The following ECE2 variants were observed in gnomAD, a reference collection of about 807,000 sequenced individuals.
ECE2 encodes endothelin converting enzyme 2.
ECE2 carries 81 observed loss-of-function variants against 100.6 expected under a neutral mutation model. The observed-to-expected ratio is 0.81, with a 90% CI of 0.67 to 0.97. ECE2 has a LOEUF of 0.97. Ranked by LOEUF, ECE2 falls within the 50% of genes least tolerant of loss-of-function variation. The pLI is 0.00. For synonymous variants in ECE2, 391 were observed against 391.5 expected, an observed-to-expected ratio of 1.00 and a Z score of 0.02; for missense variants, 911 against 988.1, an observed-to-expected ratio of 0.92 and a Z score of 1.05.
At position 184,291,466 on chromosome 3, in the gene ECE2, T is replaced by C. The variant is rs762827979; in HGVS notation, c.2121+27T>C. ...TATCACCCTCTCGGAAGGCCTGGGG[T>C]CTGCCCCTTTGTCCTGCTCCCTCCT... is the stretch of plus-strand genomic sequence containing the variant. On this transcript the variant is annotated intron_variant, in intron 18 of 18. Coordinates refer to ENST00000404464, the MANE Select transcript of ECE2 (RefSeq NM_001100121.2). The surrounding 1 kb of genome is among the most constrained non-coding windows in gnomAD (Gnocchi z 4.1). The C allele has an allele frequency of 1.9e-6, 3 of 1,543,894 alleles. No homozygotes were observed. The South Asian group carries it at 3.8e-5, about 20-fold the overall frequency.
Position 184,289,461 on chromosome 3 carries a change from C to A in ECE2, c.1399C>A (p.Arg467=). The change falls in exon 12 of 19, where the codon CGG becomes AGG. Residue 467 remains arginine, a synonymous_variant. Coordinates refer to ENST00000404464, the MANE Select transcript of ECE2 (RefSeq NM_001100121.2). This position sits in a 1 kb window ranked among gnomAD's most constrained non-coding sequence, Gnocchi z 4.1. ...GGCAGAGGGGATGATCAGCGAAATC[C>A]GGACCGCATTTGAGGAGGCCCTGGG... ...EIAEGMISEI[R]TAFEEALGQL... is the part of the protein sequence containing the mutation. The A allele has an allele frequency of 1.2e-6, 2 of 1,609,786 alleles. No individual in the cohort carries two copies. Among genetic ancestry groups the A allele is most frequent in the Non-Finnish European group, 1.7e-6 (2 of 1,178,298 alleles).
At chr3:184,285,618 G>A (rs1438956989) in intron 10 of ECE2, 26 bp downstream of exon 10, 6 of 1,530,130 alleles carry the variant, frequency 3.9e-6, no homozygotes, top group South Asian at 2.2e-5. Context: ...TTGCCTCCAC[G>A]TTCTGATCCA....
At chr3:184,281,426 G>T (rs1720810829) in intron 7 of ECE2, among the ~76,000 whole-genome samples, 2 of 152,200 alleles carry the variant, frequency 1.3e-5, no homozygotes, top group Non-Finnish European at 2.9e-5. Context: ...AGGCTCCAAG[G>T]TGGGAAGGCA....
In ECE2 at chr3:184,277,432, G is replaced by A; in HGVS notation, c.444G>A (p.Trp148Ter). 3 of 1,614,234 alleles carry A rather than the reference G, an allele frequency of 1.9e-6. No individual in the cohort carries two copies. Among genetic ancestry groups the A allele is most frequent in the Non-Finnish European group, 2.5e-6 (3 of 1,180,044 alleles). Residue 148 changes from tryptophan (W) to a stop codon, truncating the protein, a stop_gained, in exon 4 of 19, where the codon TGG becomes TGA. Coordinates refer to ENST00000404464, the MANE Select transcript of ECE2 (RefSeq NM_001100121.2). LOFTEE classifies it high-confidence loss of function. ...GCTGGAACACCTTCAACAGCCTCTG[G>A]GACCAAAACCAGGCCATACTGAAGC... ...RSRWNTFNSL[W>*]DQNQAILKHL...
chr3:184,278,337 G>A (rs879070275), intron 6 of ECE2, 24 bp downstream of exon 6: 1 of 1,611,770 alleles, frequency 6.2e-7, no homozygotes, highest in African/African-American at 1.3e-5. Context: ...AAAGGGTGGG[G>A]AGAGACTTAG....
rs1214357987 is a variant in ECE2, at chr3:184,285,461, T to A, written c.1149-17T>A. ...CATCCCACCTGCCCTTTTCTTATTT[T>A]CTGGTCTGGTTGTCAGCATCCTGAA... On this transcript the variant is annotated splice_polypyrimidine_tract_variant and intron_variant, in intron 9 of 18. Coordinates refer to ENST00000404464, the MANE Select transcript of ECE2 (RefSeq NM_001100121.2). 6.3e-7 allele frequency: 1 copy of A among 1,598,446 alleles called. No individual in the cohort carries two copies. Among genetic ancestry groups the A allele is most frequent in the Non-Finnish European group, 8.6e-7 (1 of 1,165,950 alleles).
intron 7 of ECE2, among the ~76,000 whole-genome samples, chr3:184,282,831 G>T (rs4912532): frequency 0.52 from 78,986 of 152,020 alleles, 20,816 homozygotes; most frequent in Middle Eastern, 0.61. Context: ...GGGAGGAAAA[G>T]ATACACTGTA....
intron 9 of ECE2, among the ~76,000 whole-genome samples, 163 bp downstream of exon 9, chr3:184,285,268 A>G (rs1720986090): frequency 6.6e-6 from 1 of 152,158 alleles, no homozygotes; most frequent in Admixed American, 6.5e-5. Flanking sequence ...CTAGGGTTGC[A>G]GGGTGCTCCC....
At position 184,292,269 on chromosome 3, in the gene ECE2, C is replaced by T. The variant is rs746791096; in HGVS notation, c.*31C>T. The T allele has an allele frequency of 1.2e-5, 20 of 1,610,414 alleles. No homozygotes were observed. The highest frequency in any genetic ancestry group is 1.7e-5 in the Non-Finnish European group (20 of 1,177,326). On this transcript the variant is annotated 3_prime_UTR_variant, in exon 19 of 19. Coordinates refer to ENST00000404464, the MANE Select transcript of ECE2 (RefSeq NM_001100121.2). ...GATCAGGGGAGAAATGGCCAGCTGT[C>T]ACCAGACCTGGGGCAGCTCTCCTGA...
intron 7 of ECE2, among the ~76,000 whole-genome samples, chr3:184,283,313 C>A (rs771798104): frequency 1.2e-4 from 19 of 152,004 alleles, no homozygotes; most frequent in African/African-American, 4.6e-4. Flanking sequence ...GTAATCCCAG[C>A]ACTTTGAGAG....
In ECE2 at chr3:184,277,924, G is replaced by A. The variant is rs141767162; in HGVS notation, c.479-1G>A. 6.2e-7 allele frequency: 1 copy of A among 1,611,658 alleles called. No individual in the cohort carries two copies. The highest frequency in any genetic ancestry group is 1.3e-5 in the African/African-American group (1 of 74,978). Reference sequence around the variant, plus strand: ...CCTGGATCCTGTGTTCTGCCCCACAGAAAACACCACCTTCAACTCCAGCAG... The same window carrying A: ...CCTGGATCCTGTGTTCTGCCCCACAAAAAACACCACCTTCAACTCCAGCAG... On this transcript the variant is annotated splice_acceptor_variant, in intron 4 of 18. Transcript: ENST00000404464. LOFTEE classifies it high-confidence loss of function.
intron 8 of ECE2, 67 bp from the exon 9 acceptor site, chr3:184,284,896 A>G (rs1201889854): frequency 6.3e-7 from 1 of 1,576,392 alleles, no homozygotes; most frequent in Non-Finnish European, 8.6e-7. Context: ...AGGCTACAGC[A>G]TACAGTGGGG....
In ECE2 at chr3:184,278,524, G is replaced by T; in HGVS notation, c.783G>T (p.Arg261=). The change falls in exon 7 of 19, where the codon CGG becomes CGT. Residue 261 remains arginine, a synonymous_variant. Transcript: ENST00000404464. Reference sequence around the variant, plus strand: ...AGTCTGGGCTCTTTCTGCCCTCTCGGGATTACTACTTAAACAGAACTGCCA... The same window carrying T: ...AGTCTGGGCTCTTTCTGCCCTCTCGTGATTACTACTTAAACAGAACTGCCA... ...VDQSGLFLPS[R]DYYLNRTANE... The T allele has an allele frequency of 6.2e-7, 1 of 1,614,018 alleles. No homozygotes were observed.
rs758255062 is a variant in ECE2 at position 184,277,931 on chromosome 3, C to T, written c.485C>T (p.Thr162Ile). 1.3e-5 allele frequency: 21 copies of T among 1,612,082 alleles called. 1 individual carries two copies. In the Middle Eastern group the frequency reaches 3.2e-3, roughly 243 times the overall value. ...QAILKHLLENTTFNSSSEAEQ... is the reference protein window; with the variant it reads ...QAILKHLLENITFNSSSEAEQ... ...CCTGTGTTCTGCCCCACAGAAAACA[C>T]CACCTTCAACTCCAGCAGTGAAGCT... Residue 162 changes from threonine (T) to isoleucine (I), a missense_variant, in exon 5 of 19, where the codon ACC becomes ATC. Thr to Ile is a moderately conservative substitution (Grantham distance 89, BLOSUM62 -1). Transcript: ENST00000404464.
At chr3:184,276,712 C>T (rs763614116) in intron 2 of ECE2, 145 bp downstream of exon 2, 3 of 1,535,650 alleles carry the variant, frequency 2.0e-6, no homozygotes, top group Admixed American at 2.0e-5. Flanking sequence ...TATGGTGAGG[C>T]GATGCTAAGC....
rs747552905 is a variant in ECE2, at chr3:184,291,136, A to G, written c.1931A>G (p.Tyr644Cys). 1.9e-6 allele frequency: 3 copies of G among 1,613,644 alleles called. No individual in the cohort carries two copies. Among genetic ancestry groups the G allele is most frequent in the South Asian group, 1.1e-5 (1 of 90,954 alleles). ...CACACGGCCTGCATGGAGGAACAGTACAATCAATACCAGGTCAATGGGGAG... is the reference window on the plus strand; with the variant it reads ...CACACGGCCTGCATGGAGGAACAGTGCAATCAATACCAGGTCAATGGGGAG... The part of the protein sequence containing the change: ...RNHTACMEEQ[Y>C]NQYQVNGERL... The change falls in exon 17 of 19, where the codon TAC becomes TGC. Residue 644 changes from tyrosine (Y) to cysteine (C), a missense_variant. Coordinates refer to ENST00000404464, the MANE Select transcript of ECE2 (RefSeq NM_001100121.2). This position sits in a 1 kb window ranked among gnomAD's most constrained non-coding sequence, Gnocchi z 4.1.
intron 7 of ECE2, among the ~76,000 whole-genome samples, chr3:184,280,757 TC>T (rs1434316664): frequency 6.6e-6 from 1 of 152,030 alleles, no homozygotes; most frequent in East Asian, 1.9e-4. Context: ...GGCAGGTGGA[TC>T]ACTTGAGGTC....
intron 9 of ECE2, 39 bp downstream of exon 9, chr3:184,285,144 G>A: frequency 1.3e-6 from 2 of 1,598,628 alleles, no homozygotes; most frequent in Non-Finnish European, 8.5e-7. Flanking sequence ...GTTCTGTGGA[G>A]GTCTCCAGCA....
chr3:184,280,545 G>A (rs115250550), intron 7 of ECE2, among the ~76,000 whole-genome samples: 1,943 of 152,242 alleles, frequency 0.013, 44 homozygotes, highest in African/African-American at 0.044. Flanking sequence ...AGGCCTGAGG[G>A]GCATCTCCTT....
Sources: allele counts gnomAD v4.1 joint callset (sites outside exome capture counted in the v4.1 genomes callset), GRCh38; gene constraint gnomAD v4.1.1; non-coding constraint Gnocchi (gnomAD v3.1); transcripts MANE v1.5; gene names NCBI Gene and HGNC (gene_info 2026-07-23, HGNC 2026-07-21).